The following ERC2 variants were observed in gnomAD, a reference collection of about 807,000 sequenced individuals.
The protein encoded by ERC2 is ERC protein 2.
ERC2 carries 42 observed loss-of-function variants against 114.8 expected under a neutral mutation model. That is an observed-to-expected ratio of 0.37 (90% confidence interval 0.29 to 0.47). The LOEUF (loss-of-function observed/expected upper bound fraction) is 0.47. Among genes scored for constraint, ERC2 ranks in the 20% least tolerant of loss-of-function variants. The pLI, the probability that ERC2 is intolerant of heterozygous loss-of-function variation, is 0.99. For missense variants in ERC2, 939 were observed against 1,150.7 expected (o/e 0.82, Z 2.66); for synonymous variants, 454 against 425.5 (o/e 1.07, Z -0.82).
rs573596257 is a variant in ERC2, at chr3:55,709,771, A to T, written c.2713-10259T>A. On this transcript the variant is annotated intron_variant, in intron 15 of 17. Coordinates refer to ENST00000288221, the MANE Select transcript of ERC2 (RefSeq NM_015576.3). ...AGGGATGGGGTGAGCCATGCAAAAC[A>T]TGTGGTGGGGCTGTGTTGGCCAGCA... is the stretch of plus-strand genomic sequence containing the variant. Among the ~76,000 whole-genome samples, 12 of 152,258 alleles carry T rather than the reference A, an allele frequency of 7.9e-5. No individual in the cohort carries two copies. In the East Asian group the frequency reaches 2.3e-3, roughly 29 times the overall value.
chr3:55,653,876 C>G (rs1207437565), intron 17 of ERC2, among the ~76,000 whole-genome samples: 1 of 152,158 alleles, frequency 6.6e-6, no homozygotes, highest in Non-Finnish European at 1.5e-5. Flanking sequence ...TACCTGCTGG[C>G]CCCAGCTCTT....
At chr3:55,777,946 A>G (rs1228037270) in intron 14 of ERC2, among the ~76,000 whole-genome samples, 1 of 152,228 alleles carries the variant, frequency 6.6e-6, no homozygotes, top group African/African-American at 2.4e-5. Context: ...TTTTCTAAAG[A>G]GAAACAAAAC....
At chr3:56,123,638 G>A (rs1006672965) in intron 6 of ERC2, among the ~76,000 whole-genome samples, 8 of 152,072 alleles carry the variant, frequency 5.3e-5, no homozygotes, top group Admixed American at 2.6e-4. Context: ...CAATGGCCTC[G>A]CAGCCTCTAC....
rs111688504 is a variant in ERC2, at chr3:56,201,195, C to G, written c.1075-27675G>C. Among the ~76,000 whole-genome samples, 477 of 152,304 alleles carry G rather than the reference C, an allele frequency of 3.1e-3. 1 individual carries two copies. Among genetic ancestry groups the G allele is most frequent in the African/African-American group, 0.011 (461 of 41,568 alleles). On this transcript the variant is annotated intron_variant, in intron 3 of 17. Transcript: ENST00000288221. ...ATCTGACACAGCTCCCCTTAGGAAG[C>G]CTTTGCTGAATTCCTCAAGAATTAA...
chr3:55,768,546 G>A (rs2067977907), intron 14 of ERC2, among the ~76,000 whole-genome samples: 1 of 152,224 alleles, frequency 6.6e-6, no homozygotes, highest in Non-Finnish European at 1.5e-5. Context: ...AAGGGACAAA[G>A]AGTTACAGGG....
chr3:55,792,662 A>G (rs1559662353), intron 14 of ERC2, among the ~76,000 whole-genome samples: 1 of 152,196 alleles, frequency 6.6e-6, no homozygotes, highest in Non-Finnish European at 1.5e-5. Context: ...AAAATTAAGC[A>G]CCTCAATGCA....
At chr3:55,685,152 T>C (rs1486406566) in intron 16 of ERC2, among the ~76,000 whole-genome samples, 1 of 152,228 alleles carries the variant, frequency 6.6e-6, no homozygotes, top group Non-Finnish European at 1.5e-5. Context: ...CTATGTATTT[T>C]ATTTTATGCA....
intron 17 of ERC2, among the ~76,000 whole-genome samples, chr3:55,667,192 G>T (rs2148723998): frequency 6.6e-6 from 1 of 152,264 alleles, no homozygotes; most frequent in Non-Finnish European, 1.5e-5. Context: ...TAACAGCATT[G>T]ATTGATCTCA....
At chr3:55,589,385 C>T (rs1208034111) in intron 17 of ERC2, among the ~76,000 whole-genome samples, 1 of 152,040 alleles carries the variant, frequency 6.6e-6, no homozygotes, top group Admixed American at 6.6e-5. Context: ...AAAAAGGCAC[C>T]CTTCTTCAAG....
At chr3:55,784,098 C>T (rs1418951828) in intron 14 of ERC2, among the ~76,000 whole-genome samples, 1 of 152,108 alleles carries the variant, frequency 6.6e-6, no homozygotes, top group Non-Finnish European at 1.5e-5. Context: ...TGGGCTAAGG[C>T]TTTTTAGGAA....
At chr3:56,409,711 T>TA (rs1348697578) in intron 2 of ERC2, among the ~76,000 whole-genome samples, 3 of 152,134 alleles carry the variant, frequency 2.0e-5, no homozygotes, top group African/African-American at 7.2e-5. Context: ...CTAAAACTCT[T>TA]ACCACTACAG....
intron 4 of ERC2, among the ~76,000 whole-genome samples, chr3:56,164,711 A>G (rs2082235350): frequency 6.6e-6 from 1 of 152,056 alleles, no homozygotes; most frequent in African/African-American, 2.4e-5. Flanking sequence ...TGTTCCCACC[A>G]TCAACATATG....
intron 13 of ERC2, among the ~76,000 whole-genome samples, chr3:55,894,416 C>T (rs2063748451): frequency 1.3e-5 from 2 of 152,012 alleles, no homozygotes; most frequent in African/African-American, 2.4e-5. Flanking sequence ...TATTTGGGGA[C>T]AATATAATAA....
At chr3:55,979,728 C>T (rs571017294) in intron 12 of ERC2, among the ~76,000 whole-genome samples, 1 of 151,794 alleles carries the variant, frequency 6.6e-6, no homozygotes, top group South Asian at 2.1e-4. Flanking sequence ...AGGAGCCACA[C>T]CAGGAGTTTG....
rs370173474 is a variant in ERC2 at position 56,382,465 on chromosome 3, C to G, written c.657+51886G>C. On this transcript the variant is annotated intron_variant, in intron 2 of 17. Coordinates refer to ENST00000288221, the MANE Select transcript of ERC2 (RefSeq NM_015576.3). ...TCCAATCAGAATCAAACTTTCCCCC[C>G]ACCATTTCCCCAAAATAGCTCTTAG... Among the ~76,000 whole-genome samples, 46 of 152,266 alleles carry G rather than the reference C, an allele frequency of 3.0e-4. No homozygotes were observed. In the South Asian group the frequency reaches 6.4e-3, roughly 21 times the overall value.
At chr3:56,018,097 C>T (rs1165799921) in intron 8 of ERC2, among the ~76,000 whole-genome samples, 1 of 151,930 alleles carries the variant, frequency 6.6e-6, no homozygotes, top group Non-Finnish European at 1.5e-5. Flanking sequence ...AGGAGGTGTC[C>T]CCAAGGAAAT....
At chr3:56,459,414 G>A (rs1175774313) in intron 1 of ERC2, among the ~76,000 whole-genome samples, 3 of 152,104 alleles carry the variant, frequency 2.0e-5, no homozygotes, top group African/African-American at 7.2e-5. Context: ...AATGCATTTA[G>A]GGTAAATGCA....
At chr3:55,881,829 A>G (rs553950715) in intron 14 of ERC2, among the ~76,000 whole-genome samples, 2 of 152,348 alleles carry the variant, frequency 1.3e-5, no homozygotes, top group East Asian at 3.9e-4. Flanking sequence ...CAATTATGAA[A>G]TGTTTTAGCA....
chr3:55,935,366 T>C (rs1239986290), intron 13 of ERC2, among the ~76,000 whole-genome samples: 1 of 152,204 alleles, frequency 6.6e-6, no homozygotes, highest in Non-Finnish European at 1.5e-5. Context: ...ACTAGACTAT[T>C]GAAGATGGTG....
Sources: allele counts gnomAD v4.1 joint callset (sites outside exome capture counted in the v4.1 genomes callset), GRCh38; gene constraint gnomAD v4.1.1; transcripts MANE v1.5; gene names NCBI Gene and HGNC (gene_info 2026-07-23, HGNC 2026-07-21).